FAM227B: variants seen among roughly 807,000 people sequenced by gnomAD.
The protein encoded by FAM227B is protein FAM227B.
A neutral mutation model predicts 73.8 loss-of-function variants in FAM227B; 88 were observed. That is an observed-to-expected ratio of 1.19 (90% CI 1.00 to 1.42). FAM227B has a LOEUF of 1.42. Ranked by LOEUF, FAM227B falls within the 40% of genes most tolerant of loss-of-function variation. FAM227B has a pLI of 0.00. For synonymous variants in FAM227B, 210 were observed against 190.5 expected, an observed-to-expected ratio of 1.10 and a Z score of -0.84; for missense variants, 632 against 590.9, an observed-to-expected ratio of 1.07 and a Z score of -0.72.
chr15:49,590,875 C>T (rs1047189583), intron 3 of FAM227B, among the ~76,000 whole-genome samples: 1 of 152,024 alleles, frequency 6.6e-6, no homozygotes, highest in Non-Finnish European at 1.5e-5. Flanking sequence ...CCTATGAGTT[C>T]CATTTTTATA....
intron 11 of FAM227B, among the ~76,000 whole-genome samples, chr15:49,439,972 C>T (rs574935537): frequency 6.6e-6 from 1 of 151,736 alleles, no homozygotes; most frequent in Non-Finnish European, 1.5e-5. Context: ...ATATTGGGGA[C>T]AGGATTCAAA....
At chr15:49,591,099 C>G (rs1458884427) in intron 3 of FAM227B, among the ~76,000 whole-genome samples, 7 of 122,386 alleles carry the variant, frequency 5.7e-5, no homozygotes, top group African/African-American at 2.2e-4. Flanking sequence ...AGGTGGAGTG[C>G]AGTGGTGCGA....
At chr15:49,407,892 C>T (rs546781504) in intron 11 of FAM227B, among the ~76,000 whole-genome samples, 1 of 152,018 alleles carries the variant, frequency 6.6e-6, no homozygotes, top group South Asian at 2.1e-4. Flanking sequence ...TGTTTCTGTA[C>T]CTATAGTTTT....
chr15:49,547,021 C>A (rs572558147), intron 9 of FAM227B, among the ~76,000 whole-genome samples: 2 of 152,102 alleles, frequency 1.3e-5, no homozygotes, highest in Non-Finnish European at 2.9e-5. Context: ...ATGTTAAGGG[C>A]AGCCAGAGAG....
At chr15:49,562,091 T>C (rs900561479) in intron 9 of FAM227B, among the ~76,000 whole-genome samples, 3 of 151,922 alleles carry the variant, frequency 2.0e-5, no homozygotes, top group Non-Finnish European at 2.9e-5. Context: ...ACAATGTCAA[T>C]AGACCACTAG....
chr15:49,576,261 C>T (rs2075433247), intron 7 of FAM227B: 1 of 152,414 alleles, frequency 6.6e-6, no homozygotes, highest in Non-Finnish European at 1.5e-5. Flanking sequence ...CATTTTAGCC[C>T]TCGTATTCAC....
chr15:49,536,072 C>CAAAAAAAAAAAAAAAAAGAAAAAAAAAA (rs2070198014), intron 10 of FAM227B, among the ~76,000 whole-genome samples: 2 of 114,012 alleles, frequency 1.8e-5, no homozygotes, highest in Non-Finnish European at 3.7e-5. Context: ...GGCAATCAGA[C>CAAAAAAAAAAAAAAAAAGAAAAAAAAAA]AAAAAAAAAA....
chr15:49,592,412 A>T (rs184567302), intron 3 of FAM227B, among the ~76,000 whole-genome samples: 20 of 152,302 alleles, frequency 1.3e-4, no homozygotes. Flanking sequence ...TTTTTCTTCT[A>T]ACAATCAGGT....
intron 14 of FAM227B, among the ~76,000 whole-genome samples, chr15:49,332,340 G>A (rs933176825): frequency 1.3e-5 from 2 of 152,196 alleles, no homozygotes; most frequent in African/African-American, 2.4e-5. Context: ...GACTGGCAAG[G>A]TAGAGACACA....
chr15:49,612,689 C>CT (rs2078021589), intron 2 of FAM227B, among the ~76,000 whole-genome samples: 2 of 152,030 alleles, frequency 1.3e-5, no homozygotes, highest in African/African-American at 4.8e-5. Flanking sequence ...ATGATGATAT[C>CT]ACTGAAAAGA....
At chr15:49,549,501 G>C (rs984026217) in intron 9 of FAM227B, among the ~76,000 whole-genome samples, 4 of 151,942 alleles carry the variant, frequency 2.6e-5, no homozygotes, top group Non-Finnish European at 4.4e-5. Flanking sequence ...TGTGTCCCTG[G>C]GTACTTGAGA....
intron 11 of FAM227B, among the ~76,000 whole-genome samples, chr15:49,479,734 C>T (rs2055747440): frequency 6.8e-6 from 1 of 147,778 alleles, no homozygotes; most frequent in Non-Finnish European, 1.5e-5. Flanking sequence ...CTGACTCAGA[C>T]TACCGAGTAA....
At chr15:49,376,213 C>T (rs1374525228) in intron 11 of FAM227B, among the ~76,000 whole-genome samples, 4 of 151,976 alleles carry the variant, frequency 2.6e-5, no homozygotes, top group Non-Finnish European at 4.4e-5. Flanking sequence ...ATCAAGGTCA[C>T]GAAGAGTTAC....
At chr15:49,422,145 A>AGAGAGAGAGAGAGAGAGAGTGAGT (rs757128514) in intron 11 of FAM227B, among the ~76,000 whole-genome samples, 1 of 139,822 alleles carries the variant, frequency 7.2e-6, no homozygotes, top group South Asian at 2.8e-4. Context: ...AGAGAGAGAG[A>AGAGAGAGAGAGAGAGAGAGTGAGT]GTGTGTGTGT....
intron 11 of FAM227B, among the ~76,000 whole-genome samples, chr15:49,410,174 T>C (rs1674504467): frequency 6.6e-6 from 1 of 152,190 alleles, no homozygotes; most frequent in Non-Finnish European, 1.5e-5. Flanking sequence ...TTAGGCTTCT[T>C]CAAGTGGAAA....
In FAM227B at chr15:49,532,590, C is replaced by T. The variant is rs1052831169; in HGVS notation, c.874+9090G>A. On this transcript the variant is annotated intron_variant, in intron 10 of 15. Transcript: ENST00000299338. ...GGGAATGAAAATTGCTTCAGAATAA[C>T]GCAAAAAGCATCAAGTATGCCATAT... 8.0e-5 allele frequency among the ~76,000 whole-genome samples: 12 copies of T among 150,794 alleles called. 1 individual carries two copies. Among genetic ancestry groups the T allele is most frequent in the South Asian group, 4.2e-4 (2 of 4,784 alleles).
chr15:49,549,369 C>G (rs1196512069), intron 9 of FAM227B, among the ~76,000 whole-genome samples: 2 of 139,442 alleles, frequency 1.4e-5, no homozygotes, highest in East Asian at 2.1e-4. Flanking sequence ...GTGTTTCTCG[C>G]AGAGGGGGAT....
intron 8 of FAM227B, among the ~76,000 whole-genome samples, chr15:49,571,480 T>C (rs2152362421): frequency 6.6e-6 from 1 of 152,084 alleles, no homozygotes; most frequent in East Asian, 1.9e-4. Context: ...AGTTTTACAG[T>C]TTCAGATCTG....
At chr15:49,446,594 A>G (rs952520662) in intron 11 of FAM227B, among the ~76,000 whole-genome samples, 3 of 151,352 alleles carry the variant, frequency 2.0e-5, no homozygotes, top group Admixed American at 6.6e-5. Context: ...GAGGGTAAAG[A>G]GCTTTTTTAA....
Sources: allele counts gnomAD v4.1 joint callset (sites outside exome capture counted in the v4.1 genomes callset), GRCh38; gene constraint gnomAD v4.1.1; transcripts MANE v1.5; gene names NCBI Gene and HGNC (gene_info 2026-07-23, HGNC 2026-07-21).